Variants in CUX1 observed in about 807,000 individuals in gnomAD.
CUX1 encodes the protein cut like homeobox 1.
In CUX1, 31 loss-of-function variants were observed where a neutral mutation model predicts 158.8. The observed-to-expected ratio is 0.20, with a 90% CI of 0.15 to 0.26. The LOEUF (loss-of-function observed/expected upper bound fraction) is 0.26, where lower values mean the gene tolerates loss of function less well. CUX1 is among the 10% of genes least tolerant of loss of function. CUX1 has a pLI of 1.00. For synonymous variants in CUX1, 879 were observed against 862.1 expected, an observed-to-expected ratio of 1.02 and a Z score of -0.34; for missense variants, 1,589 against 2,014.6, an observed-to-expected ratio of 0.79 and a Z score of 4.04.
chr7:102,183,804 T>G (rs1377375237), intron 11 of CUX1, among the ~76,000 whole-genome samples: 1 of 152,228 alleles, frequency 6.6e-6, no homozygotes, highest in Non-Finnish European at 1.5e-5. Context: ...CAGAATTTTA[T>G]GGAAAAGAGA....
rs1244972767 is a variant in CUX1 at position 102,256,888 on chromosome 7, T to C, written c.*7846T>C. Reference sequence around the variant, plus strand: ...GTTTTTTGTTGTTGTTTTTCTTGCGTACAAAGTTGGTCAAAACCATCTTTC... The same window carrying C: ...GTTTTTTGTTGTTGTTTTTCTTGCGCACAAAGTTGGTCAAAACCATCTTTC... On this transcript the variant is annotated 3_prime_UTR_variant, in exon 24 of 24. Coordinates refer to ENST00000292535, the MANE Select transcript of CUX1 (RefSeq NM_181552.4). 2.0e-6 allele frequency: 2 copies of C among 985,514 alleles called. No homozygotes were observed. Among genetic ancestry groups the C allele is most frequent in the Non-Finnish European group, 2.4e-6 (2 of 829,976 alleles). 61.0% of individuals were successfully genotyped at this position (985,514 alleles called of 1,614,324 possible). A position where few individuals can be genotyped will look rare whatever the true frequency, so the allele number is the denominator to read the frequency against.
At chr7:101,854,388 T>G (rs1274301391) in intron 1 of CUX1, among the ~76,000 whole-genome samples, 1 of 147,760 alleles carries the variant, frequency 6.8e-6, no homozygotes, top group African/African-American at 2.5e-5. Flanking sequence ...CATAGGAGCC[T>G]GTTTGGTGGT....
chr7:102,124,982 A>T (rs782289013), intron 8 of CUX1, among the ~76,000 whole-genome samples: 6 of 152,092 alleles, frequency 3.9e-5, no homozygotes, highest in African/African-American at 1.4e-4. Context: ...GGGTTTCGCC[A>T]TGTTGGCCAG....
chr7:102,121,138 A>T (rs1831986016), intron 8 of CUX1, among the ~76,000 whole-genome samples: 1 of 152,086 alleles, frequency 6.6e-6, no homozygotes, highest in South Asian at 2.1e-4. Context: ...TGCATGGCAA[A>T]TGTGGGTGGG....
At chr7:101,900,070 G>A (rs1194093688) in intron 1 of CUX1, among the ~76,000 whole-genome samples, 1 of 152,202 alleles carries the variant, frequency 6.6e-6, no homozygotes, top group East Asian at 1.9e-4. Context: ...GGACAGGATG[G>A]GGTGATGCTG....
chr7:101,877,790 GTGTGTGTGTGTGTTTA>G (rs1562957246), intron 1 of CUX1, among the ~76,000 whole-genome samples: 1 of 126,660 alleles, frequency 7.9e-6, no homozygotes, highest in Non-Finnish European at 1.6e-5. Context: ...GTGTGTGTGT[GTGTGTGTGTGTGTTTA>G]TTAAAGCGAC....
At chr7:102,226,989 A>G (rs1311057823) in intron 20 of CUX1, among the ~76,000 whole-genome samples, 1 of 152,190 alleles carries the variant, frequency 6.6e-6, no homozygotes, top group Non-Finnish European at 1.5e-5. Context: ...AATATGGACA[A>G]CATAACTACA....
intron 7 of CUX1, among the ~76,000 whole-genome samples, chr7:102,113,313 A>AC (rs1206282045): frequency 6.6e-6 from 1 of 152,040 alleles, no homozygotes; most frequent in Non-Finnish European, 1.5e-5. Flanking sequence ...ATCTCGGCTC[A>AC]CTGCAACCTC....
intron 1 of CUX1, among the ~76,000 whole-genome samples, chr7:101,863,507 T>C (rs577893374): frequency 5.9e-4 from 90 of 152,190 alleles, no homozygotes; most frequent in Middle Eastern, 3.4e-3. Flanking sequence ...TGTGCCACCA[T>C]ACCCAGCTAA....
intron 4 of CUX1, among the ~76,000 whole-genome samples, chr7:102,083,859 A>G (rs1321706324): frequency 3.4e-5 from 5 of 146,778 alleles, no homozygotes; most frequent in African/African-American, 1.2e-4. Context: ...ATATTAAAGG[A>G]TATTTTCTTT....
intron 8 of CUX1, among the ~76,000 whole-genome samples, chr7:102,130,595 C>T (rs774275960): frequency 2.6e-5 from 4 of 151,906 alleles, no homozygotes; most frequent in Non-Finnish European, 5.9e-5. Flanking sequence ...GCAGGAGAAT[C>T]GCTTGAACCC....
At chr7:102,013,793 C>A (rs1818298265) in intron 2 of CUX1, among the ~76,000 whole-genome samples, 2 of 152,146 alleles carry the variant, frequency 1.3e-5, no homozygotes, top group South Asian at 4.1e-4. Flanking sequence ...CACCCTCGAC[C>A]TCTCTGGGCT....
chr7:102,098,381 G>T (rs1209835527), intron 5 of CUX1, among the ~76,000 whole-genome samples: 2 of 152,168 alleles, frequency 1.3e-5, no homozygotes, highest in African/African-American at 4.8e-5. Flanking sequence ...AGAGGCCAAG[G>T]TGGGAGGACT....
chr7:102,227,370 G>A lies in CUX1; in HGVS notation c.3134G>A (p.Ser1045Asn). ...TTCTCGTGTGCTTTAATTACAGAAA[G>A]CACTCCAAAGACCTCCGCCAGCTGC... is the stretch of plus-strand genomic sequence containing the variant. ...PLQQGCVSSESTPKTSASCSP... is the reference protein window; with the variant it reads ...PLQQGCVSSENTPKTSASCSP... The change falls in exon 21 of 24, where the codon AGC becomes AAC. Residue 1045 changes from serine (S) to asparagine (N), a missense_variant. This residue lies in a region of CUX1 where 259 missense variants were observed against 373.8 expected (regional missense o/e 0.69). Transcript: ENST00000292535. 1 of 1,600,002 alleles carries A rather than the reference G, an allele frequency of 6.2e-7. No individual in the cohort carries two copies. The highest frequency in any genetic ancestry group is 8.6e-7 in the Non-Finnish European group (1 of 1,169,228).
chr7:101,852,434 A>G (rs1049781371), intron 1 of CUX1, among the ~76,000 whole-genome samples: 3 of 151,752 alleles, frequency 2.0e-5, no homozygotes, highest in Admixed American at 1.3e-4. Context: ...CCTGGGCAAC[A>G]TGGCAAAACC....
intron 6 of CUX1, among the ~76,000 whole-genome samples, chr7:102,108,796 C>G (rs912845111): frequency 3.5e-5 from 5 of 141,218 alleles, no homozygotes; most frequent in Non-Finnish European, 6.1e-5. Context: ...TCTCTGTCAC[C>G]TAGGCTGCAG....
intron 8 of CUX1, among the ~76,000 whole-genome samples, chr7:102,138,095 G>C (rs1277117182): frequency 6.6e-6 from 1 of 151,884 alleles, no homozygotes; most frequent in Non-Finnish European, 1.5e-5. Context: ...GAGGAGGGAG[G>C]ATTGCTTGAG....
chr7:101,980,916 A>G (rs1168641905), intron 2 of CUX1, among the ~76,000 whole-genome samples: 1 of 152,140 alleles, frequency 6.6e-6, no homozygotes, highest in Non-Finnish European at 1.5e-5. Flanking sequence ...TGTCCTGGGA[A>G]CTTAACTCTA....
chr7:101,852,939 A>G (rs1372227062), intron 1 of CUX1, among the ~76,000 whole-genome samples: 2 of 151,980 alleles, frequency 1.3e-5, no homozygotes, highest in Non-Finnish European at 2.9e-5. Context: ...CGTCCTCCCA[A>G]AGTGCTGGGA....
Sources: gnomAD v4.1 joint callset for allele counts (sites outside exome capture counted in the v4.1 genomes callset) on GRCh38, gnomAD v4.1.1 for gene constraint, gnomAD v4.1.1 regional missense constraint, MANE v1.5 for transcripts, NCBI Gene and HGNC (gene_info 2026-07-23, HGNC 2026-07-21) for gene names.